The following PLEKHA7 variants were observed in gnomAD, a reference collection of about 807,000 sequenced individuals.
The protein encoded by PLEKHA7 is pleckstrin homology domain-containing family A member 7.
PLEKHA7 carries 104 observed loss-of-function variants against 170.0 expected under a neutral mutation model. The ratio of observed to expected loss-of-function variants is 0.61; its 90% CI spans 0.52 to 0.72. The LOEUF (loss-of-function observed/expected upper bound fraction) is 0.72. Ranked by LOEUF, PLEKHA7 falls within the 30% of genes least tolerant of loss-of-function variation. The probability of loss-of-function intolerance (pLI) is 0.00; values close to 1 mark genes in which losing one functional copy is unlikely to be tolerated. For missense variants in PLEKHA7, 1,615 were observed against 1,671.7 expected, an observed-to-expected ratio of 0.97 and a Z score of 0.59; for synonymous variants, 648 against 660.8, an observed-to-expected ratio of 0.98 and a Z score of 0.30.
chr11:17,012,213 T>C (rs1199522304), intron 3 of PLEKHA7, among the ~76,000 whole-genome samples: 1 of 152,178 alleles, frequency 6.6e-6, no homozygotes, highest in African/African-American at 2.4e-5. Flanking sequence ...AACCCTCCAA[T>C]GACGTTTCAC....
intron 9 of PLEKHA7, among the ~76,000 whole-genome samples, chr11:16,833,539 T>A (rs1851283001): frequency 6.6e-6 from 1 of 152,012 alleles, no homozygotes; most frequent in East Asian, 1.9e-4. Flanking sequence ...ACTTTCCACC[T>A]CCCCAGGGAA....
chr11:16,782,173 C>CCACACA (rs1554909725), intron 26 of PLEKHA7, among the ~76,000 whole-genome samples: 1 of 151,156 alleles, frequency 6.6e-6, no homozygotes, highest in Non-Finnish European at 1.5e-5. Flanking sequence ...ACACACACAC[C>CCACACA]CACACACACA....
chr11:16,795,423 C>T (rs1848153445), intron 17 of PLEKHA7: 1 of 190,362 alleles, frequency 5.3e-6, no homozygotes, highest in Non-Finnish European at 1.1e-5. Flanking sequence ...TTCAGTTATA[C>T]AGGATAGAAA....
intron 3 of PLEKHA7, among the ~76,000 whole-genome samples, chr11:16,998,037 C>T (rs1167730317): frequency 6.6e-6 from 1 of 152,170 alleles, no homozygotes; most frequent in African/African-American, 2.4e-5. Flanking sequence ...CTGGACTCAA[C>T]CTCCCTGAGC....
rs28542664 is a variant in PLEKHA7 at position 16,907,501 on chromosome 11, C to A, written c.222-36319G>T. On this transcript the variant is annotated intron_variant, in intron 3 of 26. Transcript: ENST00000531066. ...CCTCTGCCCGGCCAGCCGCCCCGTC[C>A]GGGAGGGAGGCGGGGAGGTCAGCCC... Among the ~76,000 whole-genome samples the A allele has an allele frequency of 1.7e-3, 197 of 116,372 alleles. 4 individuals are homozygous for A. Among genetic ancestry groups the A allele is most frequent in the African/African-American group, 6.0e-3 (188 of 31,362 alleles). 76.3% of individuals were successfully genotyped at this position (116,372 alleles called of 152,430 possible).
chr11:16,916,568 G>A (rs1384368637), intron 3 of PLEKHA7, among the ~76,000 whole-genome samples: 2 of 152,168 alleles, frequency 1.3e-5, no homozygotes, highest in Non-Finnish European at 2.9e-5. Flanking sequence ...AAAAAGCCAC[G>A]GCAGTGCCTG....
intron 3 of PLEKHA7, among the ~76,000 whole-genome samples, chr11:16,886,563 T>C (rs1464534728): frequency 6.6e-6 from 1 of 151,898 alleles, no homozygotes; most frequent in Non-Finnish European, 1.5e-5. Flanking sequence ...ATACAAAAAT[T>C]AGCAGGGCAT....
chr11:16,940,045 G>A (rs530999287), intron 3 of PLEKHA7, among the ~76,000 whole-genome samples: 5 of 152,244 alleles, frequency 3.3e-5, no homozygotes, highest in Non-Finnish European at 5.9e-5. Context: ...TGGTGCTGGG[G>A]GCAAGAAGGG....
chr11:16,795,060 A>G (rs764406550), intron 17 of PLEKHA7, 42 bp from the exon 18 acceptor site: 1 of 1,384,726 alleles, frequency 7.2e-7, no homozygotes, highest in Non-Finnish European at 1.0e-6. Flanking sequence ...TTAGCTCCTT[A>G]CAAGTTTCTT....
At chr11:16,853,177 C>G (rs1053468998) in intron 6 of PLEKHA7, among the ~76,000 whole-genome samples, 3 of 152,026 alleles carry the variant, frequency 2.0e-5, no homozygotes, top group South Asian at 2.1e-4. Flanking sequence ...GATGCCCCAG[C>G]TGTACAAAAA....
At chr11:16,802,457 C>T (rs1450544302) in intron 15 of PLEKHA7, among the ~76,000 whole-genome samples, 1 of 152,222 alleles carries the variant, frequency 6.6e-6, no homozygotes, top group Admixed American at 6.5e-5. Context: ...CCTCACAGGG[C>T]CTCCACGGAG....
intron 1 of PLEKHA7, 43 bp downstream of exon 1, chr11:17,014,273 G>T: frequency 8.6e-7 from 1 of 1,167,872 alleles, no homozygotes; most frequent in Non-Finnish European, 1.1e-6. Context: ...CCGCCCCCGC[G>T]CCCCCACCCG....
In PLEKHA7 at chr11:16,852,797, A is replaced by T. The variant is rs546232980; in HGVS notation, c.523-442T>A. Among the ~76,000 whole-genome samples the T allele has an allele frequency of 3.3e-5, 5 of 152,330 alleles. No homozygotes were observed. In the East Asian group the frequency reaches 9.7e-4, roughly 29 times the overall value. On this transcript the variant is annotated intron_variant, in intron 6 of 26. Transcript: ENST00000531066. Reference sequence around the variant, plus strand: ...TTAAGTGAGGCAAAGTTTTCATTAGACTATGCTCAGTTCTGTGCCATATAG... The same window carrying T: ...TTAAGTGAGGCAAAGTTTTCATTAGTCTATGCTCAGTTCTGTGCCATATAG...
chr11:16,790,017 G>T, intron 21 of PLEKHA7, 139 bp from the exon 22 acceptor site: 1 of 786,202 alleles, frequency 1.3e-6, no homozygotes. Context: ...TCCTCCCCAG[G>T]GCATGGAGGA....
intron 3 of PLEKHA7, among the ~76,000 whole-genome samples, chr11:16,975,581 G>C (rs1307668522): frequency 6.6e-6 from 1 of 152,080 alleles, no homozygotes; most frequent in Non-Finnish European, 1.5e-5. Flanking sequence ...TATCTGTGGG[G>C]GCTCCTGGAA....
In PLEKHA7 at chr11:16,871,295, G is replaced by C. The variant is rs901034132; in HGVS notation, c.222-113C>G. On this transcript the variant is annotated intron_variant, in intron 3 of 26. Transcript: ENST00000531066. ...CTGGTCATCAAAGATTTCACAGGGG[G>C]AGAAATGTGGGCCTTTCCTCTGAGA... 1.2e-5 allele frequency: 9 copies of C among 763,216 alleles called. No individual in the cohort carries two copies. In the African/African-American group the frequency reaches 1.6e-4, roughly 13 times the overall value. The allele number at this position is 763,216 out of a possible 1,614,324, so 47.3% of individuals were successfully genotyped here.
At chr11:16,852,136 C>A (rs958157223) in intron 7 of PLEKHA7, 147 bp downstream of exon 7, 14 of 646,726 alleles carry the variant, frequency 2.2e-5, no homozygotes, top group African/African-American at 5.5e-5. Flanking sequence ...ATCCTGAGAC[C>A]CTTAGTAGCA....
chr11:16,796,779 C>T (rs1285188826), intron 17 of PLEKHA7, among the ~76,000 whole-genome samples: 1 of 152,080 alleles, frequency 6.6e-6, no homozygotes, highest in African/African-American at 2.4e-5. Flanking sequence ...CCTTGGCCTC[C>T]CAAGTAGCTA....
intron 3 of PLEKHA7, among the ~76,000 whole-genome samples, chr11:16,984,556 A>T (rs1352926806): frequency 6.6e-6 from 1 of 152,148 alleles, no homozygotes; most frequent in Non-Finnish European, 1.5e-5. Context: ...TGGCTTGATC[A>T]GATCTCTACC....
Sources: gnomAD v4.1 joint callset for allele counts (sites outside exome capture counted in the v4.1 genomes callset) on GRCh38, gnomAD v4.1.1 for gene constraint, MANE v1.5 for transcripts, NCBI Gene and HGNC (gene_info 2026-07-23, HGNC 2026-07-21) for gene names.